GLB1: variants seen among roughly 807,000 people sequenced by gnomAD.
GLB1 encodes galactosidase beta 1, also known as beta-galactosidase.
In GLB1, 56 loss-of-function variants were observed where a neutral mutation model predicts 74.0. The observed-to-expected ratio is 0.76, with a 90% CI of 0.61 to 0.94. GLB1 has a LOEUF of 0.94. Ranked by LOEUF, GLB1 falls within the 40% of genes least tolerant of loss-of-function variation. The pLI, the probability that GLB1 is intolerant of heterozygous loss-of-function variation, is 0.00. For synonymous variants in GLB1, 323 were observed against 323.6 expected (o/e 1.00, Z 0.02); for missense variants, 787 against 845.5 (o/e 0.93, Z 0.86).
At chr3:33,033,654 A>G (rs1378719492) in intron 10 of GLB1, among the ~76,000 whole-genome samples, 1 of 151,882 alleles carries the variant, frequency 6.6e-6, no homozygotes, top group East Asian at 1.9e-4. Context: ...GGTGGCGTGC[A>G]CCTGTAATCC....
chr3:33,060,688 G>A (rs543208659), intron 5 of GLB1, among the ~76,000 whole-genome samples: 3 of 152,086 alleles, frequency 2.0e-5, no homozygotes, highest in Non-Finnish European at 2.9e-5. Flanking sequence ...TAAAAAATGC[G>A]TACACATAAT....
At chr3:33,094,452 A>G in intron 1 of GLB1, 4 of 990,302 alleles carry the variant, frequency 4.0e-6, no homozygotes, top group Non-Finnish European at 5.4e-6. Flanking sequence ...TTATTATTCA[A>G]AAAGAAACTC....
chr3:33,094,030 A>G (rs1433317617), intron 1 of GLB1: 1 of 1,614,258 alleles, frequency 6.2e-7, no homozygotes, highest in Non-Finnish European at 8.5e-7. Context: ...CCAATGAGCA[A>G]GAGCGAGTTG....
At chr3:32,971,359 C>T in the GLB1 span, among the ~76,000 whole-genome samples, 7 of 152,284 alleles carry the variant, frequency 4.6e-5, no homozygotes, top group South Asian at 1.2e-3. Flanking sequence ...CCTGCAATTC[C>T]GGGTCCATAA....
intron 1 of GLB1, chr3:33,092,735 A>G: frequency 6.7e-7 from 1 of 1,499,400 alleles, no homozygotes; most frequent in Non-Finnish European, 8.9e-7. Flanking sequence ...GGCAAGGATG[A>G]GTGGGCAAGG....
intron 13 of GLB1, among the ~76,000 whole-genome samples, chr3:33,018,058 A>AGCTCCCAAATTGCTCC (rs796678847): frequency 1.7e-4 from 26 of 152,168 alleles, no homozygotes; most frequent in African/African-American, 6.3e-4. Flanking sequence ...CTGAGGCAGG[A>AGCTCCCAAATTGCTCC]GGATCACTTG....
Position 33,046,222 on chromosome 3 carries a change from T to A in GLB1, c.966A>T (p.Ser322=). 6.2e-7 allele frequency: 1 copy of A among 1,613,854 alleles called. No homozygotes were observed. Among genetic ancestry groups the A allele is most frequent in the South Asian group, 1.1e-5 (1 of 91,066 alleles). ...TNFAYWNGAN[S]PYAAQPTSYD... ...AGCTGGTGGGCTGTGCTGCATAGGG[T>A]GAGTTGGCCCCTAGAAGACAAAAAT... The change falls in exon 10 of 16, where the codon TCA becomes TCT. Residue 322 remains serine, a synonymous_variant. Coordinates refer to ENST00000307363, the MANE Select transcript of GLB1 (RefSeq NM_000404.4).
the GLB1 span, among the ~76,000 whole-genome samples, chr3:32,978,673 G>GAGAGGGAAGGGAAAGGAGA: frequency 1.3e-5 from 2 of 152,134 alleles, no homozygotes; most frequent in Non-Finnish European, 2.9e-5. Context: ...AGATGGTGGT[G>GAGAGGGAAGGGAAAGGAGA]AGAGGGAAGG....
chr3:33,076,334 G>C (rs942407538), intron 1 of GLB1, among the ~76,000 whole-genome samples: 1 of 152,246 alleles, frequency 6.6e-6, no homozygotes, highest in East Asian at 1.9e-4. Flanking sequence ...CAGCTGCTGA[G>C]GCAGAGGAGG....
At chr3:32,973,762 T>C in the GLB1 span, among the ~76,000 whole-genome samples, 8 of 152,322 alleles carry the variant, frequency 5.3e-5, no homozygotes, top group Non-Finnish European at 8.8e-5. Flanking sequence ...ACATGTTTTA[T>C]GGTATGTAAA....
At chr3:33,002,951 T>C (rs146107984) in intron 15 of GLB1, among the ~76,000 whole-genome samples, 2 of 151,922 alleles carry the variant, frequency 1.3e-5, no homozygotes, top group African/African-American at 2.4e-5. Context: ...AAGAGGAGAA[T>C]TGAAAAGAAA....
chr3:33,074,385 G>A (rs143452866), intron 1 of GLB1, among the ~76,000 whole-genome samples: 7,012 of 19,276 alleles, frequency 0.36, 1,839 homozygotes, highest in African/African-American at 0.53. Context: ...AGGAAGGAAG[G>A]AAGGAAGAAA....
At chr3:33,042,500 TG>T (rs1437736559) in intron 10 of GLB1, among the ~76,000 whole-genome samples, 3 of 150,764 alleles carry the variant, frequency 2.0e-5, no homozygotes, top group Non-Finnish European at 4.4e-5. Context: ...CCGGAGTAGC[TG>T]GGACTACAGG....
At chr3:33,018,101 T>C (rs1302260614) in intron 13 of GLB1, among the ~76,000 whole-genome samples, 3 of 151,396 alleles carry the variant, frequency 2.0e-5, no homozygotes, top group African/African-American at 4.9e-5. Flanking sequence ...CTGGGCAACA[T>C]AGTGGGACCC....
At chr3:32,974,418 C>T in the GLB1 span, among the ~76,000 whole-genome samples, 1 of 152,248 alleles carries the variant, frequency 6.6e-6, no homozygotes, top group Non-Finnish European at 1.5e-5. Flanking sequence ...AGGATATATA[C>T]CCATATCCAC....
At chr3:32,976,047 C>T in the GLB1 span, among the ~76,000 whole-genome samples, 2 of 152,342 alleles carry the variant, frequency 1.3e-5, no homozygotes, top group African/African-American at 4.8e-5. Flanking sequence ...CCCATCTCCC[C>T]TTTCCTCAGT....
chr3:33,051,752 T>G lies in GLB1; in HGVS notation c.955+6A>C. ...TAAGTTTCTACAGATATTAAAGTGCTCTTACCATTCCAATAGGCAAAATTG... is the reference window on the plus strand; with the variant it reads ...TAAGTTTCTACAGATATTAAAGTGCGCTTACCATTCCAATAGGCAAAATTG... On this transcript the variant is annotated splice_donor_region_variant and intron_variant, in intron 9 of 15. Coordinates refer to ENST00000307363, the MANE Select transcript of GLB1 (RefSeq NM_000404.4). 1 of 1,614,126 alleles carries G rather than the reference T, an allele frequency of 6.2e-7. No individual in the cohort carries two copies. Among genetic ancestry groups the G allele is most frequent in the Non-Finnish European group, 8.5e-7 (1 of 1,180,036 alleles).
chr3:32,979,998 A>G, the GLB1 span, among the ~76,000 whole-genome samples: 5 of 152,274 alleles, frequency 3.3e-5, no homozygotes, highest in Admixed American at 3.3e-4. Context: ...ATATATGCAT[A>G]CTTTGTGTAA....
At chr3:33,015,187 G>C (rs1697190966) in intron 14 of GLB1, among the ~76,000 whole-genome samples, 1 of 152,166 alleles carries the variant, frequency 6.6e-6, no homozygotes. Flanking sequence ...GAATGAGTGA[G>C]TGTGGGATAC....
Sources: allele counts gnomAD v4.1 joint callset (sites outside exome capture counted in the v4.1 genomes callset), GRCh38; gene constraint gnomAD v4.1.1; transcripts MANE v1.5; gene names NCBI Gene and HGNC (gene_info 2026-07-23, HGNC 2026-07-21).